C18orf54: variants seen among roughly 807,000 people sequenced by gnomAD.
C18orf54 encodes the protein lung adenoma susceptibility protein 2.
In C18orf54, 49 loss-of-function variants were observed where a neutral mutation model predicts 49.3. The observed-to-expected ratio is 0.99, with a 90% CI of 0.79 to 1.26. The LOEUF (loss-of-function observed/expected upper bound fraction) is 1.26, where lower values mean the gene tolerates loss of function less well. Among genes scored for constraint, C18orf54 ranks in the 50% most tolerant of loss-of-function variants. C18orf54 has a pLI of 0.00. For missense variants in C18orf54, 687 were observed against 620.6 expected (o/e 1.11, Z -1.14); for synonymous variants, 211 against 216.6 (o/e 0.97, Z 0.23).
chr18:54,375,300 G>A (rs545834906), intron 8 of C18orf54, among the ~76,000 whole-genome samples: 6 of 151,660 alleles, frequency 4.0e-5, no homozygotes, highest in Middle Eastern at 3.4e-3. Context: ...AATACAGATC[G>A]GAGAATAGGC....
intron 6 of C18orf54, among the ~76,000 whole-genome samples, chr18:54,366,677 CAT>C (rs1452443832): frequency 6.6e-6 from 1 of 151,928 alleles, no homozygotes; most frequent in African/African-American, 2.4e-5. Flanking sequence ...ATTGCTGGAT[CAT>C]ATGGTAGTTC....
At position 54,362,441 on chromosome 18, in the gene C18orf54, T is replaced by C; in HGVS notation, c.1072+10T>C. 6.8e-7 allele frequency: 1 copy of C among 1,468,462 alleles called. No individual in the cohort carries two copies. Among genetic ancestry groups the C allele is most frequent in the Non-Finnish European group, 8.9e-7 (1 of 1,118,276 alleles). 91.0% of individuals were successfully genotyped at this position (1,468,462 alleles called of 1,614,324 possible). On this transcript the variant is annotated intron_variant, in intron 4 of 8. Coordinates refer to ENST00000620105, the MANE Select transcript of C18orf54 (RefSeq NM_001288980.2). The stretch of plus-strand genomic sequence containing the variant: ...ACAAAGCCATTCAGTGGTAATACTT[T>C]GTTTATTGCTTATAGTTATTTATTT...
chr18:54,370,124 A>C (rs552973063), intron 6 of C18orf54, among the ~76,000 whole-genome samples: 3 of 152,198 alleles, frequency 2.0e-5, no homozygotes, highest in Middle Eastern at 3.4e-3. Flanking sequence ...AAAAATATAA[A>C]AAATGAGCCG....
intron 2 of C18orf54, 93 bp from the exon 3 acceptor site, chr18:54,360,434 A>T: frequency 2.7e-6 from 2 of 747,882 alleles, no homozygotes; most frequent in Non-Finnish European, 4.2e-6. Context: ...TTTATTATTT[A>T]AAGAAAATTA....
At chr18:54,361,296 C>T (rs1269220447) in intron 3 of C18orf54, among the ~76,000 whole-genome samples, 2 of 152,122 alleles carry the variant, frequency 1.3e-5, no homozygotes, top group Non-Finnish European at 2.9e-5. Flanking sequence ...AGTTTAATAG[C>T]ATATTTTTTT....
intron 2 of C18orf54, among the ~76,000 whole-genome samples, chr18:54,359,783 C>T (rs2089226054): frequency 6.6e-6 from 1 of 152,056 alleles, no homozygotes; most frequent in African/African-American, 2.4e-5. Flanking sequence ...CAGGGATTCT[C>T]TCAATTTTAA....
At chr18:54,373,021 G>A (rs886492011) in intron 7 of C18orf54, among the ~76,000 whole-genome samples, 1 of 151,700 alleles carries the variant, frequency 6.6e-6, no homozygotes, top group African/African-American at 2.4e-5. Context: ...GTTACTGTGT[G>A]TTCATTGGCT....
chr18:54,374,956 C>A (rs1230570469), intron 8 of C18orf54, among the ~76,000 whole-genome samples: 2 of 151,890 alleles, frequency 1.3e-5, no homozygotes, highest in Admixed American at 1.3e-4. Context: ...CTTCTGTGAT[C>A]TAAGGAACTG....
In C18orf54 at chr18:54,361,924, T is replaced by C. The variant is rs772066184; in HGVS notation, c.565T>C (p.Ser189Pro). 1 of 1,614,064 alleles carries C rather than the reference T, an allele frequency of 6.2e-7. No individual in the cohort carries two copies. The highest frequency in any genetic ancestry group is 2.2e-5 in the East Asian group (1 of 44,870). Residue 189 changes from serine (S) to proline (P), a missense_variant, in exon 4 of 9, where the codon TCA (serine) becomes CCA (proline). Coordinates refer to ENST00000620105, the MANE Select transcript of C18orf54 (RefSeq NM_001288980.2). ...KDNFVTPVIR[S>P]NINGKQCGRL... ...TAACTTTGTTACTCCTGTTATACGC[T>C]CAAATATAAATGGAAAGCAATGTGG...
At chr18:54,366,535 A>G (rs916747870) in intron 6 of C18orf54, among the ~76,000 whole-genome samples, 4 of 151,960 alleles carry the variant, frequency 2.6e-5, no homozygotes, top group Non-Finnish European at 5.9e-5. Flanking sequence ...CTATCTGTTG[A>G]TGGATACTTA....
rs76207084 is a variant in C18orf54, at chr18:54,371,163, A to G, written c.1327-1303A>G. On this transcript the variant is annotated intron_variant, in intron 6 of 8. Coordinates refer to ENST00000620105, the MANE Select transcript of C18orf54 (RefSeq NM_001288980.2). Reference sequence around the variant, plus strand: ...TAACTCCCTATTTCCCCCTCTCCCTAGTCCCTGGTAAGTAGCTTTTTACTT... The same window carrying G: ...TAACTCCCTATTTCCCCCTCTCCCTGGTCCCTGGTAAGTAGCTTTTTACTT... 4.2e-3 allele frequency among the ~76,000 whole-genome samples: 639 copies of G among 151,764 alleles called. 10 individuals are homozygous for G. The highest frequency in any genetic ancestry group is 0.015 in the African/African-American group (623 of 41,306).
Position 54,360,596 on chromosome 18 carries a change from T to TA in C18orf54, c.25dup (p.Arg9LysfsTer21). The TA allele has an allele frequency of 3.7e-6, 6 of 1,614,000 alleles. No individual in the cohort carries two copies. Among genetic ancestry groups the TA allele is most frequent in the Non-Finnish European group, 5.1e-6 (6 of 1,179,890 alleles). On this transcript the variant is annotated frameshift_variant, in exon 3 of 9. Transcript: ENST00000620105. LOFTEE classifies it high-confidence loss of function. ...CCATGGCGAAATCAAAGACAAAACATAGACTTTGTTCTCAGGAATCTTCAG... is the reference window on the plus strand; with the variant it reads ...CCATGGCGAAATCAAAGACAAAACATAAGACTTTGTTCTCAGGAATCTTCAG...
intron 6 of C18orf54, among the ~76,000 whole-genome samples, chr18:54,370,276 CAAA>C (rs35888839): frequency 3.4e-5 from 3 of 87,320 alleles, no homozygotes; most frequent in African/African-American, 5.3e-5. Flanking sequence ...GACTCTGTCT[CAAA>C]AAAAAAAAAA....
chr18:54,368,307 G>C (rs1389485942), intron 6 of C18orf54, among the ~76,000 whole-genome samples: 2 of 151,876 alleles, frequency 1.3e-5, no homozygotes, highest in Non-Finnish European at 2.9e-5. Flanking sequence ...ATTATTTTCT[G>C]TGTGTTTTGT....
Position 54,381,833 on chromosome 18 carries a change from A to G in C18orf54, c.*3587A>G, listed in dbSNP as rs2089678971. 1 of 152,184 alleles carries G rather than the reference A, an allele frequency of 6.6e-6. No individual in the cohort carries two copies. Among genetic ancestry groups the G allele is most frequent in the Admixed American group, 6.5e-5 (1 of 15,288 alleles). The allele number at this position is 152,184 out of a possible 1,614,324, so 9.4% of individuals were successfully genotyped here. A position where few individuals can be genotyped will look rare whatever the true frequency, so the allele number is the denominator to read the frequency against. Reference sequence around the variant, plus strand: ...CTTATACTATGTTGTATTCCTAGACAAGGAAATGTATATCAAAATATGTTA... The same window carrying G: ...CTTATACTATGTTGTATTCCTAGACGAGGAAATGTATATCAAAATATGTTA... On this transcript the variant is annotated 3_prime_UTR_variant, in exon 9 of 9. Transcript: ENST00000620105.
At position 54,362,004 on chromosome 18, in the gene C18orf54, A is replaced by G. The variant is rs753372474; in HGVS notation, c.645A>G (p.Ser215=). 1.2e-6 allele frequency: 2 copies of G among 1,610,042 alleles called. No individual in the cohort carries two copies. The highest frequency in any genetic ancestry group is 1.7e-6 in the Non-Finnish European group (2 of 1,177,984). ...GGACTAATAATTGCATTTCTGAATCATCTTTGTCTTTTCCCAAGAAATCGT... is the reference window on the plus strand; with the variant it reads ...GGACTAATAATTGCATTTCTGAATCGTCTTTGTCTTTTCCCAAGAAATCGT... ...MNRTNNCISE[S]SLSFPKKSSF... is the part of the protein sequence containing the mutation. Residue 215 remains serine (S), a synonymous_variant, in exon 4 of 9, where the codon TCA becomes TCG. Coordinates refer to ENST00000620105, the MANE Select transcript of C18orf54 (RefSeq NM_001288980.2).
chr18:54,377,364 T>A (rs572971438), intron 8 of C18orf54, among the ~76,000 whole-genome samples: 1 of 152,342 alleles, frequency 6.6e-6, no homozygotes, highest in African/African-American at 2.4e-5. Flanking sequence ...TTCCTGCACA[T>A]CTTAATTACT....
chr18:54,359,074 T>C (rs1311723617), intron 2 of C18orf54, among the ~76,000 whole-genome samples: 2 of 152,210 alleles, frequency 1.3e-5, no homozygotes, highest in African/African-American at 4.8e-5. Flanking sequence ...TGGAAAACTT[T>C]TCATAATGAA....
rs1352923825 is a variant in C18orf54 at position 54,378,510 on chromosome 18, G to A, written c.*264G>A. 1 of 241,350 alleles carries A rather than the reference G, an allele frequency of 4.1e-6. No homozygotes were observed. Among genetic ancestry groups the A allele is most frequent in the African/African-American group, 2.2e-5 (1 of 44,510 alleles). 15.0% of individuals were successfully genotyped at this position (241,350 alleles called of 1,614,324 possible). ...TACTTTCGCCTTCTGGCCAGCAAAT[G>A]TCTAATATTTAAAGATGGATGACTT... On this transcript the variant is annotated 3_prime_UTR_variant, in exon 9 of 9. Transcript: ENST00000620105.
Sources: allele counts gnomAD v4.1 joint callset (sites outside exome capture counted in the v4.1 genomes callset), GRCh38; gene constraint gnomAD v4.1.1; transcripts MANE v1.5; gene names NCBI Gene and HGNC (gene_info 2026-07-23, HGNC 2026-07-21).